Variants in NFIB observed in about 807,000 individuals in gnomAD.
The protein encoded by NFIB is nuclear factor I B, also known as nuclear factor 1 B-type.
In NFIB, 11 loss-of-function variants were observed where a neutral mutation model predicts 61.5. The ratio of observed to expected loss-of-function variants is 0.18; its 90% confidence interval spans 0.11 to 0.30. NFIB has a LOEUF of 0.30. Among genes scored for constraint, NFIB ranks in the 10% least tolerant of loss-of-function variants. The pLI is 1.00. For missense variants in NFIB, 471 were observed against 608.9 expected (o/e 0.77, Z 2.38); for synonymous variants, 260 against 216.5 (o/e 1.20, Z -1.76).
chr9:14,222,486 C>G (rs1253761790), intron 2 of NFIB, among the ~76,000 whole-genome samples: 1 of 152,116 alleles, frequency 6.6e-6, no homozygotes, highest in Non-Finnish European at 1.5e-5. Flanking sequence ...TAAATCTGTC[C>G]CTTTATTCAT....
intron 2 of NFIB, among the ~76,000 whole-genome samples, chr9:14,295,410 A>G (rs2132587140): frequency 6.6e-6 from 1 of 152,196 alleles, no homozygotes; most frequent in Middle Eastern, 3.4e-3. Flanking sequence ...GCAGATCACG[A>G]GGTCAGGAGA....
intron 2 of NFIB, chr9:14,300,205 G>A (rs914249423): frequency 1.0e-5 from 4 of 398,516 alleles, no homozygotes; most frequent in Non-Finnish European, 1.8e-5. Flanking sequence ...ACAGAAAAGT[G>A]AGCATGATCA....
chr9:14,227,569 T>C (rs991116811), intron 2 of NFIB, among the ~76,000 whole-genome samples: 5 of 152,232 alleles, frequency 3.3e-5, no homozygotes, highest in African/African-American at 1.2e-4. Context: ...ATATGAATAC[T>C]GGCATGAAAA....
At chr9:14,187,027 A>ATATATGTG in intron 2 of NFIB, among the ~76,000 whole-genome samples, 1 of 60,964 alleles carries the variant, frequency 1.6e-5, no homozygotes, top group South Asian at 7.9e-4. Context: ...GTGTGTGTGT[A>ATATATGTG]TGTGTGTGTG....
At chr9:14,140,065 A>G (rs2041510096) in intron 6 of NFIB, among the ~76,000 whole-genome samples, 1 of 152,190 alleles carries the variant, frequency 6.6e-6, no homozygotes, top group African/African-American at 2.4e-5. Context: ...AAGCATTTGT[A>G]GCTCTCTTTT....
At chr9:14,376,149 C>T (rs900961253) in intron 1 of NFIB, among the ~76,000 whole-genome samples, 1 of 152,192 alleles carries the variant, frequency 6.6e-6, no homozygotes, top group Non-Finnish European at 1.5e-5. Flanking sequence ...CAGTCTTAAA[C>T]TCCTGGGCTC....
the NFIB span, among the ~76,000 whole-genome samples, chr9:14,428,939 A>T: frequency 6.6e-6 from 1 of 152,312 alleles, no homozygotes; most frequent in South Asian, 2.1e-4. Context: ...TCTTTGATGA[A>T]CGACAAAAAG....
chr9:14,273,153 G>A (rs1382821613), intron 2 of NFIB, among the ~76,000 whole-genome samples: 3 of 152,194 alleles, frequency 2.0e-5, no homozygotes, highest in Admixed American at 1.3e-4. Flanking sequence ...CATGTTCCCA[G>A]TTTTAAACTC....
chr9:14,223,067 A>G (rs1239951499), intron 2 of NFIB, among the ~76,000 whole-genome samples: 3 of 152,196 alleles, frequency 2.0e-5, no homozygotes, highest in Non-Finnish European at 4.4e-5. Flanking sequence ...GAACTTAAAG[A>G]AAAGCAGAAA....
chr9:14,403,453 CA>C (rs1187854270), upstream of NFIB, among the ~76,000 whole-genome samples: 1 of 152,114 alleles, frequency 6.6e-6, no homozygotes, highest in Non-Finnish European at 1.5e-5. Context: ...TTGTAATTTT[CA>C]GACTCTTAAT....
intron 1 of NFIB, among the ~76,000 whole-genome samples, chr9:14,347,660 C>T (rs993264879): frequency 6.6e-6 from 1 of 152,074 alleles, no homozygotes. Flanking sequence ...CGGTCAGGTC[C>T]GCCCAAGGTC....
At chr9:14,266,126 C>T (rs2057181127) in intron 2 of NFIB, among the ~76,000 whole-genome samples, 1 of 152,132 alleles carries the variant, frequency 6.6e-6, no homozygotes, top group Non-Finnish European at 1.5e-5. Flanking sequence ...CATCTGTAGC[C>T]CTCAGATTCC....
chr9:14,119,365 T>A (rs1016192006), intron 8 of NFIB, among the ~76,000 whole-genome samples: 4 of 152,190 alleles, frequency 2.6e-5, no homozygotes, highest in Non-Finnish European at 4.4e-5. Flanking sequence ...GAGTTTAATA[T>A]CTCAGTCAGT....
At chr9:14,216,669 C>T (rs1318761288) in intron 2 of NFIB, among the ~76,000 whole-genome samples, 1 of 151,828 alleles carries the variant, frequency 6.6e-6, no homozygotes, top group African/African-American at 2.4e-5. Context: ...CTGTGTCCTC[C>T]AAAGGACTCA....
chr9:14,353,472 C>T (rs1193125915), intron 1 of NFIB, among the ~76,000 whole-genome samples: 2 of 152,044 alleles, frequency 1.3e-5, no homozygotes, highest in South Asian at 4.1e-4. Context: ...CTGCTGCATC[C>T]CTGCACCCTG....
At chr9:14,501,080 A>G in the NFIB span, among the ~76,000 whole-genome samples, 1 of 152,310 alleles carries the variant, frequency 6.6e-6, no homozygotes, top group African/African-American at 2.4e-5. Context: ...AGTGGATCTC[A>G]AACCCACTTT....
chr9:14,449,198 G>T, the NFIB span, among the ~76,000 whole-genome samples: 1 of 152,178 alleles, frequency 6.6e-6, no homozygotes. Context: ...TCAATGTTCA[G>T]AAGTCAGTCG....
chr9:14,481,219 A>G, the NFIB span, among the ~76,000 whole-genome samples: 1,252 of 113,566 alleles, frequency 0.011, 183 homozygotes, highest in African/African-American at 0.039. Context: ...ATATATATAT[A>G]TATATATATA....
intron 7 of NFIB, among the ~76,000 whole-genome samples, chr9:14,124,998 T>C (rs1260509265): frequency 1.3e-5 from 2 of 152,190 alleles, no homozygotes; most frequent in Non-Finnish European, 2.9e-5. Context: ...ATAACTGAAA[T>C]TCCATCTTTC....
Sources: allele counts gnomAD v4.1 joint callset (sites outside exome capture counted in the v4.1 genomes callset), GRCh38; gene constraint gnomAD v4.1.1; transcripts MANE v1.5; gene names NCBI Gene and HGNC (gene_info 2026-07-23, HGNC 2026-07-21).